The following SGIP1 variants were observed in gnomAD, a reference collection of about 807,000 sequenced individuals.
SGIP1 encodes the protein SH3-containing GRB2-like protein 3-interacting protein 1.
Under a neutral mutation model 107.5 loss-of-function variants are expected in SGIP1, and 38 were observed. The observed-to-expected ratio is 0.35, with a 90% confidence interval of 0.27 to 0.46. The LOEUF is 0.46. Ranked by LOEUF, SGIP1 falls within the 20% of genes least tolerant of loss-of-function variation. The pLI is 1.00. For synonymous variants in SGIP1, 365 were observed against 366.1 expected, an observed-to-expected ratio of 1.00 and a Z score of 0.03; for missense variants, 929 against 1,019.5, an observed-to-expected ratio of 0.91 and a Z score of 1.21.
At chr1:66,582,526 T>A (rs952607298) in intron 1 of SGIP1, among the ~76,000 whole-genome samples, 6 of 151,880 alleles carry the variant, frequency 4.0e-5, no homozygotes, top group Admixed American at 3.9e-4. Flanking sequence ...TGGCTGAAGA[T>A]GATTTTTTTT....
At chr1:66,599,584 C>T (rs1023897741) in intron 1 of SGIP1, among the ~76,000 whole-genome samples, 1 of 152,172 alleles carries the variant, frequency 6.6e-6, no homozygotes, top group African/African-American at 2.4e-5. Flanking sequence ...TCTGAATGTA[C>T]AGTATGAAAA....
At chr1:66,554,844 G>C (rs1457469395) in intron 1 of SGIP1, among the ~76,000 whole-genome samples, 1 of 152,082 alleles carries the variant, frequency 6.6e-6, no homozygotes, top group African/African-American at 2.4e-5. Flanking sequence ...TTCCAACTTT[G>C]CTACCGATTT....
At chr1:66,668,163 C>T (rs2082993474) in intron 9 of SGIP1, among the ~76,000 whole-genome samples, 1 of 152,062 alleles carries the variant, frequency 6.6e-6, no homozygotes, top group African/African-American at 2.4e-5. Flanking sequence ...AAAGTGAAAA[C>T]TGTCGTTTTC....
intron 7 of SGIP1, among the ~76,000 whole-genome samples, chr1:66,655,185 G>T (rs1480142725): frequency 6.6e-6 from 1 of 151,864 alleles, no homozygotes. Flanking sequence ...TCTTCACGGT[G>T]GTCTTCAAGA....
chr1:66,604,387 C>T (rs992978488), intron 1 of SGIP1, among the ~76,000 whole-genome samples: 6 of 152,118 alleles, frequency 3.9e-5, no homozygotes, highest in South Asian at 4.1e-4. Context: ...CAATGAGATT[C>T]CTCCACAGAG....
chr1:66,707,131 A>G (rs938539897), intron 18 of SGIP1, among the ~76,000 whole-genome samples: 1 of 152,132 alleles, frequency 6.6e-6, no homozygotes, highest in Non-Finnish European at 1.5e-5. Context: ...TGTGTGCTGC[A>G]TTTACTTGAT....
chr1:66,632,218 TA>T (rs1439896252), intron 2 of SGIP1, among the ~76,000 whole-genome samples: 1 of 152,228 alleles, frequency 6.6e-6, no homozygotes, highest in African/African-American at 2.4e-5. Flanking sequence ...GTCATAGAAC[TA>T]TTTGGACACC....
Position 66,643,643 on chromosome 1 carries a change from A to G in SGIP1, c.383A>G (p.Asp128Gly), listed in dbSNP as rs2077152246. ...AAGATTAAACCATTGCAATCTAAAG[A>G]CATTCTTAAGAATGCTGCAACTGTA... is the stretch of plus-strand genomic sequence containing the variant. ...NIKIKPLQSKDILKNAATVDE... is the reference protein window; with the variant it reads ...NIKIKPLQSKGILKNAATVDE... Residue 128 changes from aspartate (D) to glycine (G), a missense_variant, in exon 7 of 25, where the codon GAC becomes GGC. Coordinates refer to ENST00000371037, the MANE Select transcript of SGIP1 (RefSeq NM_032291.4). 1 of 1,611,640 alleles carries G rather than the reference A, an allele frequency of 6.2e-7. No individual in the cohort carries two copies. Among genetic ancestry groups the G allele is most frequent in the East Asian group, 2.2e-5 (1 of 44,826 alleles).
chr1:66,538,168 A>G (rs1295403751), intron 1 of SGIP1, among the ~76,000 whole-genome samples: 2 of 152,160 alleles, frequency 1.3e-5, no homozygotes, highest in East Asian at 1.9e-4. Flanking sequence ...CTATCTAGAA[A>G]CAGAGTTTTA....
chr1:66,723,793 C>T (rs1387311348), intron 19 of SGIP1, among the ~76,000 whole-genome samples: 1 of 152,012 alleles, frequency 6.6e-6, no homozygotes, highest in East Asian at 1.9e-4. Flanking sequence ...CATTATGCAC[C>T]GTTGCCTTCC....
chr1:66,745,902 C>G lies in SGIP1; in HGVS notation c.*2807C>G, dbSNP rs1455223280. 1.3e-5 allele frequency: 2 copies of G among 151,970 alleles called. No individual in the cohort carries two copies. Among genetic ancestry groups the G allele is most frequent in the Admixed American group, 6.5e-5 (1 of 15,270 alleles). 9.4% of individuals were successfully genotyped at this position (151,970 alleles called of 1,614,324 possible). On this transcript the variant is annotated 3_prime_UTR_variant, in exon 25 of 25. Transcript: ENST00000371037. Reference sequence around the variant, plus strand: ...TTATCATAATAGAAATTTATAATTACTAAGAATTAAATTTTTAATCATTTT... The same window carrying G: ...TTATCATAATAGAAATTTATAATTAGTAAGAATTAAATTTTTAATCATTTT...
chr1:66,689,315 G>A, intron 16 of SGIP1, 40 bp downstream of exon 16: 1 of 1,594,450 alleles, frequency 6.3e-7, no homozygotes. Context: ...GAAACAGTGA[G>A]AATGACAAAC....
At chr1:66,660,406 G>T in intron 7 of SGIP1, 107 bp from the exon 8 acceptor site, 1 of 1,026,808 alleles carries the variant, frequency 9.7e-7, no homozygotes. Flanking sequence ...GCCTTCGAGA[G>T]CTCCCTTAAG....
chr1:66,640,743 T>C (rs1228170118), intron 5 of SGIP1, among the ~76,000 whole-genome samples: 1 of 149,440 alleles, frequency 6.7e-6, no homozygotes, highest in Admixed American at 6.7e-5. Flanking sequence ...CAGGGACGGG[T>C]TTTTAGCAGG....
chr1:66,588,638 C>CTTTTTTTTTTTT, intron 1 of SGIP1, among the ~76,000 whole-genome samples: 1 of 98,678 alleles, frequency 1.0e-5, no homozygotes, highest in Non-Finnish European at 2.0e-5. Context: ...CTAGTTAGTT[C>CTTTTTTTTTTTT]TTTTTTTTTT....
chr1:66,684,104 C>T (rs778768671), intron 15 of SGIP1: 1 of 1,550,280 alleles, frequency 6.5e-7, no homozygotes, highest in Non-Finnish European at 8.7e-7. Context: ...TCCCTTTTTA[C>T]AGATGGGAAA....
chr1:66,571,994 A>G (rs11208909), intron 1 of SGIP1, among the ~76,000 whole-genome samples: 23,440 of 151,992 alleles, frequency 0.15, 2,367 homozygotes, highest in East Asian at 0.45. Context: ...TCTATGACTC[A>G]CTTACAGGAT....
intron 4 of SGIP1, 65 bp downstream of exon 4, chr1:66,636,080 A>C: frequency 6.7e-7 from 1 of 1,482,588 alleles, no homozygotes; most frequent in Non-Finnish European, 9.3e-7. Context: ...TAAAATCCCA[A>C]TTTAAAATTT....
At chr1:66,723,307 T>C (rs1423158574) in intron 19 of SGIP1, among the ~76,000 whole-genome samples, 1 of 152,222 alleles carries the variant, frequency 6.6e-6, no homozygotes, top group Non-Finnish European at 1.5e-5. Flanking sequence ...AACAGAAATC[T>C]ACTATCTTAA....
Sources: gnomAD v4.1 joint callset for allele counts (sites outside exome capture counted in the v4.1 genomes callset) on GRCh38, gnomAD v4.1.1 for gene constraint, MANE v1.5 for transcripts, NCBI Gene and HGNC (gene_info 2026-07-23, HGNC 2026-07-21) for gene names.